Variants in SSH2 observed in about 807,000 individuals in gnomAD.
The protein encoded by SSH2 is protein phosphatase Slingshot homolog 2.
A neutral mutation model predicts 135.2 loss-of-function variants in SSH2; 37 were observed. The observed-to-expected ratio is 0.27, with a 90% CI of 0.21 to 0.36. The LOEUF (loss-of-function observed/expected upper bound fraction) is 0.36. Among genes scored for constraint, SSH2 ranks in the 10% least tolerant of loss-of-function variants. SSH2 has a pLI of 1.00. For synonymous variants in SSH2, 628 were observed against 646.2 expected (o/e 0.97, Z 0.43); for missense variants, 1,408 against 1,765.3 (o/e 0.80, Z 3.63).
rs2035486545 is a variant in SSH2, at chr17:29,625,955, A to G, written c.*4886T>C. ...AGTACACGTTTCATCTTCAAAATAA[A>G]AATTTATTCAATCTGTAACAAGAAC... On this transcript the variant is annotated 3_prime_UTR_variant, in exon 16 of 16. Coordinates refer to ENST00000540801, the MANE Select transcript of SSH2 (RefSeq NM_001282129.2). 6.6e-6 allele frequency: 1 copy of G among 152,640 alleles called. No individual in the cohort carries two copies. The highest frequency in any genetic ancestry group is 1.5e-5 in the Non-Finnish European group (1 of 68,036). The allele number at this position is 152,640 out of a possible 1,614,324, so 9.5% of individuals were successfully genotyped here.
intron 6 of SSH2, among the ~76,000 whole-genome samples, chr17:29,683,774 A>G (rs778096061): frequency 1.5e-5 from 2 of 136,998 alleles, no homozygotes; most frequent in East Asian, 2.1e-4. Context: ...AAAAATAAGG[A>G]AAAAAAAAAA....
chr17:29,727,909 G>A (rs1405232204), intron 3 of SSH2, among the ~76,000 whole-genome samples: 5 of 152,148 alleles, frequency 3.3e-5, no homozygotes, highest in African/African-American at 1.2e-4. Context: ...GGCCAGGCGC[G>A]ATCGCTCACA....
At chr17:29,665,391 C>G (rs1247667470) in intron 11 of SSH2, among the ~76,000 whole-genome samples, 1 of 152,200 alleles carries the variant, frequency 6.6e-6, no homozygotes, top group Non-Finnish European at 1.5e-5. Context: ...ACTCTAGACA[C>G]ATATATCCTA....
chr17:29,786,517 G>A (rs2041968269), intron 3 of SSH2, among the ~76,000 whole-genome samples: 1 of 152,062 alleles, frequency 6.6e-6, no homozygotes, highest in Admixed American at 6.6e-5. Flanking sequence ...TTGTTGCCAT[G>A]GGACAATAAC....
chr17:29,763,959 T>C (rs969893746), intron 3 of SSH2, among the ~76,000 whole-genome samples: 5 of 151,960 alleles, frequency 3.3e-5, no homozygotes, highest in East Asian at 1.9e-4. Context: ...TTTTTTTTTT[T>C]TTTCCCTGAG....
At chr17:29,772,723 T>C (rs2041613752) in intron 3 of SSH2, among the ~76,000 whole-genome samples, 1 of 152,036 alleles carries the variant, frequency 6.6e-6, no homozygotes, top group Admixed American at 6.6e-5. Context: ...CTTTCCTCTC[T>C]CCTCCTGGAG....
chr17:29,914,336 G>C (rs971890125), intron 1 of SSH2, among the ~76,000 whole-genome samples: 3 of 152,012 alleles, frequency 2.0e-5, no homozygotes, highest in Admixed American at 2.0e-4. Context: ...CAAGGCAGGA[G>C]AATTGCTTAA....
At chr17:29,855,953 G>C (rs2065655135) in intron 1 of SSH2, 2 of 287,420 alleles carry the variant, frequency 7.0e-6, no homozygotes, top group South Asian at 7.2e-5. Flanking sequence ...GAAAGGAAGT[G>C]GCTACTGCTT....
chr17:29,813,932 C>A (rs1323938698), intron 2 of SSH2, among the ~76,000 whole-genome samples: 1 of 149,268 alleles, frequency 6.7e-6, no homozygotes, highest in Non-Finnish European at 1.5e-5. Context: ...GAGATCAAGA[C>A]CATCCTGGCT....
chr17:29,877,421 T>A (rs968647421), intron 1 of SSH2, among the ~76,000 whole-genome samples: 1 of 152,192 alleles, frequency 6.6e-6, no homozygotes, highest in Non-Finnish European at 1.5e-5. Context: ...GTATCTGTAC[T>A]CCTATGTTAG....
chr17:29,926,430 C>T (rs973626719), intron 1 of SSH2, among the ~76,000 whole-genome samples: 2 of 151,452 alleles, frequency 1.3e-5, no homozygotes, highest in African/African-American at 2.4e-5. Flanking sequence ...GGTGCGTGCC[C>T]GTAGTCCCAG....
chr17:29,686,730 G>A (rs1182986495), intron 5 of SSH2, among the ~76,000 whole-genome samples: 3 of 152,004 alleles, frequency 2.0e-5, no homozygotes, highest in East Asian at 1.9e-4. Context: ...GTGCAATGGC[G>A]TGATCTCGGC....
chr17:29,736,964 G>A (rs1235109675), intron 3 of SSH2, among the ~76,000 whole-genome samples: 2 of 147,462 alleles, frequency 1.4e-5, no homozygotes, highest in African/African-American at 5.0e-5. Flanking sequence ...CTGGGCATGG[G>A]GGTGGGCGCC....
chr17:29,829,283 T>C (rs2151357925), intron 2 of SSH2, among the ~76,000 whole-genome samples: 1 of 152,248 alleles, frequency 6.6e-6, no homozygotes, highest in East Asian at 1.9e-4. Context: ...TTCCATTCCT[T>C]GGATGAAGAA....
At chr17:29,903,983 A>C (rs2151463422) in intron 1 of SSH2, among the ~76,000 whole-genome samples, 1 of 152,160 alleles carries the variant, frequency 6.6e-6, no homozygotes, top group East Asian at 1.9e-4. Context: ...ACCAATAATG[A>C]GTTCTGAAAT....
At chr17:29,802,558 G>A (rs554831937) in intron 2 of SSH2, among the ~76,000 whole-genome samples, 2 of 134,630 alleles carry the variant, frequency 1.5e-5, no homozygotes, top group South Asian at 4.7e-4. Flanking sequence ...CAAGGTAGGA[G>A]AATCCCTTGA....
At chr17:29,723,851 A>G (rs2039900066) in intron 3 of SSH2, among the ~76,000 whole-genome samples, 1 of 152,044 alleles carries the variant, frequency 6.6e-6, no homozygotes, top group Non-Finnish European at 1.5e-5. Context: ...CACTTGAAAA[A>G]TTTACTTGCA....
chr17:29,650,521 T>C (rs1598722021), intron 13 of SSH2, 133 bp downstream of exon 13: 1 of 820,312 alleles, frequency 1.2e-6, no homozygotes, highest in East Asian at 2.9e-5. Flanking sequence ...TTAAAAAGAT[T>C]TCAGTCTCCT....
At chr17:29,903,980 A>G (rs1031960461) in intron 1 of SSH2, among the ~76,000 whole-genome samples, 4 of 152,132 alleles carry the variant, frequency 2.6e-5, no homozygotes, top group African/African-American at 7.2e-5. Context: ...TAGACCAATA[A>G]TGAGTTCTGA....
Sources: allele counts gnomAD v4.1 joint callset (sites outside exome capture counted in the v4.1 genomes callset), GRCh38; gene constraint gnomAD v4.1.1; transcripts MANE v1.5; gene names NCBI Gene and HGNC (gene_info 2026-07-23, HGNC 2026-07-21).